The following AGBL1 variants were observed in gnomAD, a reference collection of about 807,000 sequenced individuals.
The protein encoded by AGBL1 is AGBL carboxypeptidase 1.
Under a neutral mutation model 118.9 loss-of-function variants are expected in AGBL1, and 130 were observed. That is an observed-to-expected ratio of 1.09 (90% confidence interval 0.95 to 1.26). The LOEUF (loss-of-function observed/expected upper bound fraction) is 1.26. Ranked by LOEUF, AGBL1 falls within the 50% of genes most tolerant of loss-of-function variation. The pLI, the probability that AGBL1 is intolerant of heterozygous loss-of-function variation, is 0.00. For synonymous variants in AGBL1, 555 were observed against 478.9 expected, an observed-to-expected ratio of 1.16 and a Z score of -2.08; for missense variants, 1,584 against 1,298.1, an observed-to-expected ratio of 1.22 and a Z score of -3.38.
intron 22 of AGBL1, among the ~76,000 whole-genome samples, chr15:86,874,073 G>A (rs921928877): frequency 6.6e-6 from 1 of 152,014 alleles, no homozygotes; most frequent in African/African-American, 2.4e-5. Context: ...CACATATGAG[G>A]TGAGGGTCAA....
intron 5 of AGBL1, among the ~76,000 whole-genome samples, chr15:86,185,954 AT>A (rs1378638041): frequency 9.2e-5 from 14 of 151,796 alleles, no homozygotes; most frequent in Admixed American, 6.6e-4. Flanking sequence ...TAAAATAAAA[AT>A]TTTTTTTCTC....
intron 7 of AGBL1, among the ~76,000 whole-genome samples, chr15:86,248,415 GT>G (rs1243745807): frequency 3.3e-5 from 5 of 152,206 alleles, no homozygotes; most frequent in African/African-American, 1.2e-4. Context: ...GAGGTGCAGT[GT>G]ATGGCATAGT....
chr15:86,080,872 C>T (rs1284599519), intron 1 of AGBL1, among the ~76,000 whole-genome samples: 2 of 149,594 alleles, frequency 1.3e-5, no homozygotes, highest in Non-Finnish European at 3.0e-5. Context: ...CCCAAGGGGT[C>T]TTCTACCCCA....
chr15:86,094,799 C>G (rs1896250050), intron 1 of AGBL1, among the ~76,000 whole-genome samples: 1 of 152,164 alleles, frequency 6.6e-6, no homozygotes, highest in South Asian at 2.1e-4. Flanking sequence ...GGTTCCCACA[C>G]CAACAACCAA....
At chr15:86,939,878 T>A (rs1007872075) in intron 23 of AGBL1, 11 of 21,658 alleles carry the variant, frequency 5.1e-4, no homozygotes, top group Non-Finnish European at 1.7e-3. Flanking sequence ...CGCTGTTTCT[T>A]TTTTTATTTT....
At position 86,822,235 on chromosome 15, in the gene AGBL1, C is replaced by T. The variant is rs145111817; in HGVS notation, c.3159-84852C>T. Among the ~76,000 whole-genome samples the T allele has an allele frequency of 3.1e-3, 474 of 152,264 alleles. 3 individuals are homozygous for T. The highest frequency in any genetic ancestry group is 8.2e-3 in the African/African-American group (342 of 41,574). Reference sequence around the variant, plus strand: ...CAGTGGAGAATCTCCTAAGTTAGAGCAATGGGTTGTTCTTGATCACACATG... The same window carrying T: ...CAGTGGAGAATCTCCTAAGTTAGAGTAATGGGTTGTTCTTGATCACACATG... On this transcript the variant is annotated intron_variant, in intron 22 of 22. Transcript: ENST00000614907.
intron 15 of AGBL1, among the ~76,000 whole-genome samples, chr15:86,276,019 C>T (rs891378097): frequency 6.6e-6 from 1 of 152,102 alleles, no homozygotes; most frequent in Non-Finnish European, 1.5e-5. Flanking sequence ...AGAACAGTGT[C>T]TAGTGCATAG....
intron 22 of AGBL1, among the ~76,000 whole-genome samples, chr15:86,801,920 G>A (rs545311846): frequency 6.6e-6 from 1 of 152,248 alleles, no homozygotes; most frequent in East Asian, 1.9e-4. Context: ...AATCTGGTCA[G>A]TTTATGCTAA....
chr15:86,503,286 T>C (rs1362633054), intron 18 of AGBL1, among the ~76,000 whole-genome samples: 3 of 151,564 alleles, frequency 2.0e-5, no homozygotes, highest in Admixed American at 6.6e-5. Context: ...TTAGTAATGT[T>C]CCCTCTGTCA....
At chr15:86,923,473 A>G (rs1419252102) in intron 23 of AGBL1, among the ~76,000 whole-genome samples, 1 of 152,164 alleles carries the variant, frequency 6.6e-6, no homozygotes, top group African/African-American at 2.4e-5. Context: ...TCAAGGACCA[A>G]TTCAAATCTC....
chr15:86,467,560 T>C (rs1468706106), intron 18 of AGBL1, among the ~76,000 whole-genome samples: 1 of 152,208 alleles, frequency 6.6e-6, no homozygotes, highest in Non-Finnish European at 1.5e-5. Context: ...TCTGCCCAAA[T>C]GGCCTTGCCG....
intron 18 of AGBL1, among the ~76,000 whole-genome samples, chr15:86,476,677 C>A (rs534610902): frequency 2.0e-5 from 3 of 152,072 alleles, no homozygotes; most frequent in Admixed American, 1.3e-4. Context: ...ATGAATGAGA[C>A]AGAAAGTTAA....
intron 1 of AGBL1, among the ~76,000 whole-genome samples, chr15:86,138,103 T>C (rs1023211282): frequency 6.6e-6 from 1 of 152,132 alleles, no homozygotes; most frequent in Non-Finnish European, 1.5e-5. Flanking sequence ...AATAGAGATA[T>C]GAATAAGACC....
intron 18 of AGBL1, among the ~76,000 whole-genome samples, chr15:86,479,923 A>G (rs892040239): frequency 3.3e-5 from 5 of 152,232 alleles, no homozygotes; most frequent in Non-Finnish European, 7.3e-5. Context: ...GGATGAATTC[A>G]TATCCTTTGT....
chr15:86,692,408 G>A (rs1334967184), intron 22 of AGBL1, among the ~76,000 whole-genome samples: 1 of 152,022 alleles, frequency 6.6e-6, no homozygotes, highest in African/African-American at 2.4e-5. Flanking sequence ...CACCCTTAGT[G>A]AGGAAGAGGG....
intron 18 of AGBL1, among the ~76,000 whole-genome samples, chr15:86,451,439 T>A (rs1355800867): frequency 6.6e-6 from 1 of 152,246 alleles, no homozygotes; most frequent in African/African-American, 2.4e-5. Context: ...TAATTCTTCT[T>A]TACTAGGATC....
chr15:86,821,390 A>T (rs563304801), intron 22 of AGBL1, among the ~76,000 whole-genome samples: 7 of 152,316 alleles, frequency 4.6e-5, no homozygotes, highest in African/African-American at 1.7e-4. Flanking sequence ...ATAACATTGA[A>T]TTTGAAATCT....
intron 23 of AGBL1, among the ~76,000 whole-genome samples, chr15:86,978,174 A>C (rs1324174500): frequency 2.0e-5 from 3 of 152,184 alleles, no homozygotes; most frequent in Non-Finnish European, 4.4e-5. Context: ...AAGTAAGTCA[A>C]CACACACTTA....
At chr15:86,975,077 C>G (rs1326104990) in intron 23 of AGBL1, among the ~76,000 whole-genome samples, 1 of 151,978 alleles carries the variant, frequency 6.6e-6, no homozygotes, top group African/African-American at 2.4e-5. Context: ...TAATCCTCCC[C>G]TCAACTTTCT....
Sources: gnomAD v4.1 joint callset for allele counts (sites outside exome capture counted in the v4.1 genomes callset) on GRCh38, gnomAD v4.1.1 for gene constraint, MANE v1.5 for transcripts, NCBI Gene and HGNC (gene_info 2026-07-23, HGNC 2026-07-21) for gene names.